Variants in NEK1 observed in about 807,000 individuals in gnomAD.
NEK1 encodes serine/threonine-protein kinase Nek1.
Under a neutral mutation model 182.1 loss-of-function variants are expected in NEK1, and 137 were observed. That is an observed-to-expected ratio of 0.75 (90% CI 0.65 to 0.87). The LOEUF (loss-of-function observed/expected upper bound fraction) is 0.87, where lower values mean the gene tolerates loss of function less well. Among genes scored for constraint, NEK1 ranks in the 40% least tolerant of loss-of-function variants. The pLI, the probability that NEK1 is intolerant of heterozygous loss-of-function variation, is 0.00. For synonymous variants in NEK1, 513 were observed against 492.2 expected, an observed-to-expected ratio of 1.04 and a Z score of -0.56; for missense variants, 1,391 against 1,494.4, an observed-to-expected ratio of 0.93 and a Z score of 1.14.
At chr4:169,488,941 A>G (rs893194860) in intron 23 of NEK1, among the ~76,000 whole-genome samples, 2 of 152,218 alleles carry the variant, frequency 1.3e-5, no homozygotes, top group African/African-American at 4.8e-5. Context: ...ATAGAGCAAC[A>G]TTAGAGAATA....
At chr4:169,418,549 A>G (rs539632859) in intron 31 of NEK1, among the ~76,000 whole-genome samples, 1 of 152,338 alleles carries the variant, frequency 6.6e-6, no homozygotes, top group South Asian at 2.1e-4. Flanking sequence ...CATAATGTGG[A>G]GAGAAATGAA....
At chr4:169,595,849 G>T (rs2150115600) in intron 5 of NEK1, among the ~76,000 whole-genome samples, 1 of 150,488 alleles carries the variant, frequency 6.6e-6, no homozygotes, top group East Asian at 2.0e-4. Flanking sequence ...CGTGAACCCG[G>T]GAGGCAGAGC....
intron 16 of NEK1, among the ~76,000 whole-genome samples, chr4:169,559,150 A>T (rs889020588): frequency 6.6e-6 from 1 of 152,172 alleles, no homozygotes; most frequent in Admixed American, 6.6e-5. Flanking sequence ...AAATTGTCTC[A>T]GTTATTAAAC....
intron 27 of NEK1, among the ~76,000 whole-genome samples, chr4:169,438,875 C>T (rs1392589098): frequency 1.3e-5 from 2 of 152,180 alleles, no homozygotes; most frequent in African/African-American, 2.4e-5. Context: ...CAGTCTTCAT[C>T]CTATCTCCAG....
intron 27 of NEK1, among the ~76,000 whole-genome samples, chr4:169,446,548 C>T (rs986312226): frequency 2.6e-5 from 4 of 152,056 alleles, no homozygotes; most frequent in African/African-American, 9.7e-5. Context: ...AATATGACCT[C>T]ACCAAATAAC....
intron 12 of NEK1, among the ~76,000 whole-genome samples, chr4:169,575,336 A>G (rs1765521922): frequency 2.0e-5 from 3 of 152,342 alleles, no homozygotes; most frequent in Middle Eastern, 3.4e-3. Context: ...TGCTAACACA[A>G]TATTAAGCTT....
intron 2 of NEK1, among the ~76,000 whole-genome samples, chr4:169,603,705 C>CTTT (rs1311075135): frequency 1.9e-4 from 24 of 123,662 alleles, no homozygotes; most frequent in Middle Eastern, 3.8e-3. Flanking sequence ...ATTTATTGAA[C>CTTT]ATTTTTTTTT....
intron 27 of NEK1, among the ~76,000 whole-genome samples, chr4:169,460,710 A>G (rs1459799324): frequency 2.0e-5 from 3 of 152,192 alleles, no homozygotes; most frequent in African/African-American, 7.2e-5. Flanking sequence ...CAAAAAGACC[A>G]AATCACTTAT....
intron 31 of NEK1, among the ~76,000 whole-genome samples, chr4:169,420,321 C>G (rs1049297004): frequency 6.6e-6 from 1 of 152,160 alleles, no homozygotes; most frequent in African/African-American, 2.4e-5. Context: ...AGTTCACTTT[C>G]TTTTAATACG....
rs546637605 is a variant in NEK1 at position 169,418,419 on chromosome 4, C to T, written c.3222+6134G>A. ...TTATAAAACACACCCAGAAGTAGGA[C>T]AATATGATCCATAACCAGTAGAAAA... On this transcript the variant is annotated intron_variant, in intron 31 of 35. Coordinates refer to ENST00000507142, the MANE Select transcript of NEK1 (RefSeq NM_001199397.3). 2.6e-5 allele frequency among the ~76,000 whole-genome samples: 4 copies of T among 152,096 alleles called. No homozygotes were observed. The East Asian group carries it at 7.7e-4, about 29-fold the overall frequency.
intron 23 of NEK1, among the ~76,000 whole-genome samples, chr4:169,504,919 A>C (rs543895756): frequency 3.3e-5 from 5 of 152,322 alleles, no homozygotes; most frequent in Non-Finnish European, 7.4e-5. Context: ...GCATGAGGTG[A>C]TAGATACCCA....
At chr4:169,605,211 T>C (rs1477149814) in intron 2 of NEK1, among the ~76,000 whole-genome samples, 2 of 152,216 alleles carry the variant, frequency 1.3e-5, no homozygotes, top group Non-Finnish European at 2.9e-5. Context: ...AATTCCTTTC[T>C]AGGGACCACA....
chr4:169,501,014 C>T (rs760211325), intron 23 of NEK1, among the ~76,000 whole-genome samples: 1 of 152,166 alleles, frequency 6.6e-6, no homozygotes, highest in Non-Finnish European at 1.5e-5. Context: ...AGAGACCCAT[C>T]TCACATGTAA....
Position 169,440,857 on chromosome 4 carries a change from T to G in NEK1, c.2588-2598A>C, listed in dbSNP as rs534873791. The stretch of plus-strand genomic sequence containing the variant: ...TGATGCATTATTCTAGAGAGGAAGT[T>G]TGTGCTGGATCTCACACAGCATCCT... On this transcript the variant is annotated intron_variant, in intron 27 of 35. Coordinates refer to ENST00000507142, the MANE Select transcript of NEK1 (RefSeq NM_001199397.3). Among the ~76,000 whole-genome samples, 8 of 152,216 alleles carry G rather than the reference T, an allele frequency of 5.3e-5. 1 individual carries two copies. Among genetic ancestry groups the G allele is most frequent in the Admixed American group, 6.5e-5 (1 of 15,288 alleles).
chr4:169,395,130 A>C lies in NEK1; in HGVS notation c.3848-607T>G, dbSNP rs1730470488. Reference sequence around the variant, plus strand: ...CAATTTTTTTAATTCTAAAGATTATAATCAAGTGAATTAAACAGACTGGTT... The same window carrying C: ...CAATTTTTTTAATTCTAAAGATTATCATCAAGTGAATTAAACAGACTGGTT... On this transcript the variant is annotated intron_variant, in intron 35 of 35. Coordinates refer to ENST00000507142, the MANE Select transcript of NEK1 (RefSeq NM_001199397.3). 2.6e-5 allele frequency among the ~76,000 whole-genome samples: 4 copies of C among 152,328 alleles called. No homozygotes were observed. In the South Asian group the frequency reaches 8.3e-4, roughly 32 times the overall value.
rs547372304 is a variant in NEK1, at chr4:169,471,517, C to T, written c.2434+5607G>A. 1.6e-4 allele frequency among the ~76,000 whole-genome samples: 25 copies of T among 152,262 alleles called. No homozygotes were observed. In the East Asian group the frequency reaches 4.3e-3, roughly 26 times the overall value. On this transcript the variant is annotated intron_variant, in intron 26 of 35. Transcript: ENST00000507142. The stretch of plus-strand genomic sequence containing the variant: ...TGGAAGCTTCGTCGCAGAGAGGCAC[C>T]CGCCAGATGCCAGCTGAAGTTCTCC...
At chr4:169,401,095 A>T (rs375578739) in intron 33 of NEK1, among the ~76,000 whole-genome samples, 1 of 152,178 alleles carries the variant, frequency 6.6e-6, no homozygotes. Flanking sequence ...AGAAAGTATA[A>T]ATGGCCAATA....
intron 18 of NEK1, 94 bp downstream of exon 18, chr4:169,555,626 G>C: frequency 6.6e-7 from 1 of 1,514,562 alleles, no homozygotes; most frequent in South Asian, 1.1e-5. Context: ...TGTGAACAAT[G>C]GAGAAAACAT....
chr4:169,534,419 A>C (rs1758139613), intron 19 of NEK1, among the ~76,000 whole-genome samples: 1 of 152,170 alleles, frequency 6.6e-6, no homozygotes, highest in Admixed American at 6.5e-5. Context: ...AGACCTTGGA[A>C]AATTGAAGAA....
Sources: gnomAD v4.1 joint callset for allele counts (sites outside exome capture counted in the v4.1 genomes callset) on GRCh38, gnomAD v4.1.1 for gene constraint, MANE v1.5 for transcripts, NCBI Gene and HGNC (gene_info 2026-07-23, HGNC 2026-07-21) for gene names.